IFI35: variants seen among roughly 807,000 people sequenced by gnomAD.
IFI35 encodes interferon induced protein 35.
Under a neutral mutation model 28.6 loss-of-function variants are expected in IFI35, and 30 were observed. The observed-to-expected ratio is 1.05, with a 90% CI of 0.79 to 1.43. IFI35 has a LOEUF of 1.43. IFI35 is among the 40% of genes most tolerant of loss of function. The pLI is 0.00. For synonymous variants in IFI35, 146 were observed against 154.8 expected (o/e 0.94, Z 0.42); for missense variants, 372 against 356.9 (o/e 1.04, Z -0.34).
At chr17:43,013,449 G>A in intron 4 of IFI35, 27 bp from the exon 5 acceptor site, 2 of 1,613,436 alleles carry the variant, frequency 1.2e-6, no homozygotes, top group Non-Finnish European at 1.7e-6. Context: ...GCTGTGTCTG[G>A]GACCACCCCT....
intron 2 of IFI35, chr17:43,012,625 C>T: frequency 4.3e-6 from 1 of 232,452 alleles, no homozygotes; most frequent in South Asian, 6.1e-5. Context: ...GTAATCCCAG[C>T]TACTTGGGAG....
intron 1 of IFI35, among the ~76,000 whole-genome samples, chr17:43,008,343 CTTTT>C (rs34285823): frequency 1.1e-5 from 1 of 89,402 alleles, no homozygotes; most frequent in South Asian, 3.7e-4. Context: ...CTTTTCTTTC[CTTTT>C]TTTTTTTTTT....
At position 43,012,169 on chromosome 17, in the gene IFI35, G is replaced by A; in HGVS notation, c.22-10G>A. 2 of 1,546,122 alleles carry A rather than the reference G, an allele frequency of 1.3e-6. No homozygotes were observed. The highest frequency in any genetic ancestry group is 1.8e-6 in the Non-Finnish European group (2 of 1,142,766). On this transcript the variant is annotated splice_polypyrimidine_tract_variant and intron_variant, in intron 1 of 6. Coordinates refer to ENST00000415816, the MANE Select transcript of IFI35 (RefSeq NM_001330230.2). ...GGTAGAAGTCTTGTTGTTTCCTTCT[G>A]CCCCAACAGGCCCTCCACGCCCTTC...
At position 43,014,344 on chromosome 17, in the gene IFI35, A is replaced by C. The variant is rs35784276; in HGVS notation, c.*45A>C. The C allele has an allele frequency of 1.6e-4, 230 of 1,426,920 alleles. No individual in the cohort carries two copies. The highest frequency in any genetic ancestry group is 2.6e-4 in the Middle Eastern group (1 of 3,826). 88.4% of individuals were successfully genotyped at this position (1,426,920 alleles called of 1,614,324 possible). On this transcript the variant is annotated 3_prime_UTR_variant, in exon 7 of 7. Coordinates refer to ENST00000415816, the MANE Select transcript of IFI35 (RefSeq NM_001330230.2). ...TCCCCACCCCCCCGCCAAGGTTCTC[A>C]CACTGGCCTGGGCTTGGGTGCCCAT...
At chr17:43,007,843 A>C (rs1490392469) in intron 1 of IFI35, among the ~76,000 whole-genome samples, 67 of 59,726 alleles carry the variant, frequency 1.1e-3, no homozygotes, top group Non-Finnish European at 5.0e-4. Context: ...CACACACACA[A>C]AATTTATATA....
chr17:43,014,290 G>C lies in IFI35; in HGVS notation c.852G>C (p.Glu284Asp). The change falls in exon 7 of 7, where the codon GAG becomes GAC. Residue 284 changes from glutamate to aspartate, a missense_variant. Coordinates refer to ENST00000415816, the MANE Select transcript of IFI35 (RefSeq NM_001330230.2). ...AGGGCCTAGCAGTCTTCACCTCTGA[G>C]TCAGGCTAGGGGCCTCCCCTTCTCA... is the stretch of plus-strand genomic sequence containing the variant. ...GQQGLAVFTS[E>D]SG is the part of the protein sequence containing the mutation. The C allele has an allele frequency of 6.4e-7, 1 of 1,563,332 alleles. No homozygotes were observed. Among genetic ancestry groups the C allele is most frequent in the Non-Finnish European group, 8.6e-7 (1 of 1,156,362 alleles).
rs369228705 is a variant in IFI35, at chr17:43,013,614, C to T, written c.514C>T (p.Arg172Trp). 67 of 1,613,932 alleles carry T rather than the reference C, an allele frequency of 4.2e-5. No individual in the cohort carries two copies. The highest frequency in any genetic ancestry group is 3.3e-4 in the East Asian group (15 of 44,886). ...GAACGGAGGTGGCGATGTGGACGTT[C>T]GGGAGCTACTGCCAGGGAGTGTCAT... ...TRNGGGDVDVRELLPGSVMLG... is the reference protein window; with the variant it reads ...TRNGGGDVDVWELLPGSVMLG... Residue 172 changes from arginine (R) to tryptophan (W), a missense_variant, in exon 5 of 7, where the codon CGG becomes TGG. Coordinates refer to ENST00000415816, the MANE Select transcript of IFI35 (RefSeq NM_001330230.2).
chr17:43,010,905 C>G (rs146497004), intron 1 of IFI35, among the ~76,000 whole-genome samples: 1 of 152,202 alleles, frequency 6.6e-6, no homozygotes, highest in African/African-American at 2.4e-5. Context: ...TTCCTAACCA[C>G]AGGGTGAACT....
At position 43,013,708 on chromosome 17, in the gene IFI35, G is replaced by A. The variant is rs921449636; in HGVS notation, c.562+46G>A. The A allele has an allele frequency of 9.9e-6, 16 of 1,610,488 alleles. No individual in the cohort carries two copies. The Admixed American group carries it at 2.7e-4, about 27-fold the overall frequency. On this transcript the variant is annotated intron_variant, in intron 5 of 6. Transcript: ENST00000415816. ...CTGCAGGGGAGAGGGTATAGGGTGT[G>A]CAAGATTACGGTGCAGGGAGAGGAG...
At chr17:43,007,847 T>TATATATATATATATATATA (rs2050421792) in intron 1 of IFI35, among the ~76,000 whole-genome samples, 7 of 119,052 alleles carry the variant, frequency 5.9e-5, no homozygotes, top group African/African-American at 2.7e-4. Context: ...CACACAAAAT[T>TATATATATATATATATATA]TATATATATA....
At chr17:43,011,047 A>T (rs2050453644) in intron 1 of IFI35, among the ~76,000 whole-genome samples, 1 of 152,176 alleles carries the variant, frequency 6.6e-6, no homozygotes, top group African/African-American at 2.4e-5. Context: ...TGTACAGTGG[A>T]AAGTGTGACA....
rs189345717 is a variant in IFI35 at position 43,011,675 on chromosome 17, C to T, written c.22-504C>T. Among the ~76,000 whole-genome samples the T allele has an allele frequency of 2.7e-3, 412 of 152,208 alleles. 3 individuals are homozygous for T. The highest frequency in any genetic ancestry group is 5.5e-3 in the Admixed American group (84 of 15,288). On this transcript the variant is annotated intron_variant, in intron 1 of 6. Coordinates refer to ENST00000415816, the MANE Select transcript of IFI35 (RefSeq NM_001330230.2). ...TGGCATATAGTAAGTACTTAGTAAA[C>T]GTTAGTTAAGAATATGACTGTATGA...
At chr17:43,008,796 T>G (rs1298330490) in intron 1 of IFI35, among the ~76,000 whole-genome samples, 1 of 152,060 alleles carries the variant, frequency 6.6e-6, no homozygotes, top group East Asian at 1.9e-4. Flanking sequence ...GTGCTGGGAT[T>G]ACAGGCGTGA....
chr17:43,013,407 G>C (rs758201555), intron 4 of IFI35, 34 bp downstream of exon 4: 4 of 1,612,752 alleles, frequency 2.5e-6, no homozygotes, highest in Non-Finnish European at 2.5e-6. Context: ...GGCATGCAAA[G>C]CATGCCATGC....
chr17:43,008,318 G>A lies in IFI35; in HGVS notation c.21+1350G>A, dbSNP rs994437382. 2.0e-5 allele frequency among the ~76,000 whole-genome samples: 3 copies of A among 146,554 alleles called. No individual in the cohort carries two copies. The Admixed American group carries it at 2.1e-4, about 10-fold the overall frequency. ...CAAAGTGCTGGGATTACAGGTGTAA[G>A]CCACCATGCCCGGACTTTTCTTTCC... On this transcript the variant is annotated intron_variant, in intron 1 of 6. Coordinates refer to ENST00000415816, the MANE Select transcript of IFI35 (RefSeq NM_001330230.2).
intron 1 of IFI35, among the ~76,000 whole-genome samples, chr17:43,011,279 G>A (rs532303832): frequency 7.2e-5 from 11 of 152,260 alleles, no homozygotes; most frequent in African/African-American, 2.6e-4. Context: ...AGCACTTTAG[G>A]AGGCCGAGGC....
intron 1 of IFI35, among the ~76,000 whole-genome samples, chr17:43,010,334 A>C (rs1419880154): frequency 2.6e-5 from 4 of 152,202 alleles, no homozygotes. Flanking sequence ...TCGAGGCTGC[A>C]GTGAGCCATA....
chr17:43,010,988 C>T (rs1208622511), intron 1 of IFI35, among the ~76,000 whole-genome samples: 1 of 152,114 alleles, frequency 6.6e-6, no homozygotes, highest in Non-Finnish European at 1.5e-5. Flanking sequence ...GATGTCAGTT[C>T]TCTCTCTGGA....
At chr17:43,010,231 T>A (rs1226488007) in intron 1 of IFI35, among the ~76,000 whole-genome samples, 1 of 135,520 alleles carries the variant, frequency 7.4e-6, no homozygotes, top group African/African-American at 2.5e-5. Flanking sequence ...TGAGACTCCG[T>A]CCCAAAAAGA....
Sources: gnomAD v4.1 joint callset for allele counts (sites outside exome capture counted in the v4.1 genomes callset) on GRCh38, gnomAD v4.1.1 for gene constraint, MANE v1.5 for transcripts, NCBI Gene and HGNC (gene_info 2026-07-23, HGNC 2026-07-21) for gene names.